The following DPP6 variants were observed in gnomAD, a reference collection of about 807,000 sequenced individuals.
DPP6 encodes A-type potassium channel modulatory protein DPP6.
Under a neutral mutation model 122.6 loss-of-function variants are expected in DPP6, and 69 were observed. The ratio of observed to expected loss-of-function variants is 0.56; its 90% CI spans 0.46 to 0.69. The LOEUF (loss-of-function observed/expected upper bound fraction) is 0.69. Ranked by LOEUF, DPP6 falls within the 30% of genes least tolerant of loss-of-function variation. DPP6 has a pLI of 0.00. For missense variants in DPP6, 928 were observed against 1,116.9 expected, an observed-to-expected ratio of 0.83 and a Z score of 2.41; for synonymous variants, 418 against 433.1, an observed-to-expected ratio of 0.97 and a Z score of 0.43.
the DPP6 span, among the ~76,000 whole-genome samples, chr7:153,834,289 A>AAAG: frequency 0.022 from 3,313 of 150,922 alleles, 133 homozygotes; most frequent in African/African-American, 0.077. Flanking sequence ...AAAAAAAAAA[A>AAAG]GTAAGTACAT....
At chr7:154,283,350 C>A (rs371363449) in intron 1 of DPP6, among the ~76,000 whole-genome samples, 3 of 152,224 alleles carry the variant, frequency 2.0e-5, no homozygotes, top group African/African-American at 7.2e-5. Flanking sequence ...AGTGAGGATA[C>A]AAATGATCTA....
intron 12 of DPP6, 83 bp downstream of exon 12, chr7:154,795,966 G>A: frequency 6.6e-7 from 1 of 1,526,710 alleles, no homozygotes; most frequent in Non-Finnish European, 8.8e-7. Context: ...GACAACAGCA[G>A]AATGGCTTCT....
At chr7:153,854,390 A>G in the DPP6 span, among the ~76,000 whole-genome samples, 1 of 151,936 alleles carries the variant, frequency 6.6e-6, no homozygotes, top group African/African-American at 2.4e-5. Context: ...CAAATTTACA[A>G]GAAAAAAACA....
At chr7:153,801,943 CA>C in the DPP6 span, among the ~76,000 whole-genome samples, 2 of 152,028 alleles carry the variant, frequency 1.3e-5, no homozygotes, top group African/African-American at 4.8e-5. Context: ...GCTAGGAAGT[CA>C]GGGCAAATAT....
At chr7:154,805,505 AT>A (rs1389697629) in intron 15 of DPP6, among the ~76,000 whole-genome samples, 1 of 138,660 alleles carries the variant, frequency 7.2e-6, no homozygotes, top group Non-Finnish European at 1.7e-5. Flanking sequence ...ATGAAATTTG[AT>A]TAGAAAAAAA....
At chr7:154,646,591 G>A (rs2130967621) in intron 6 of DPP6, among the ~76,000 whole-genome samples, 1 of 152,238 alleles carries the variant, frequency 6.6e-6, no homozygotes, top group Non-Finnish European at 1.5e-5. Flanking sequence ...TTTGTTAGAT[G>A]GCTACTTCCA....
At chr7:154,183,038 A>G (rs1313506343) in intron 1 of DPP6, among the ~76,000 whole-genome samples, 1 of 152,094 alleles carries the variant, frequency 6.6e-6, no homozygotes, top group Non-Finnish European at 1.5e-5. Context: ...CTAAGGGGCT[A>G]ATGTCACCCA....
intron 16 of DPP6, among the ~76,000 whole-genome samples, chr7:154,816,232 A>G (rs1198271412): frequency 6.6e-6 from 1 of 152,220 alleles, no homozygotes; most frequent in East Asian, 1.9e-4. Flanking sequence ...TCAGTTACCT[A>G]GAGTCAACTA....
intron 1 of DPP6, among the ~76,000 whole-genome samples, chr7:154,165,005 G>GT (rs199879410): frequency 4.7e-5 from 7 of 147,584 alleles, no homozygotes; most frequent in Non-Finnish European, 8.8e-5. Context: ...TTTTTTTAAA[G>GT]TTTTTTTTCT....
intron 16 of DPP6, among the ~76,000 whole-genome samples, chr7:154,820,193 C>G (rs1444852902): frequency 1.3e-5 from 2 of 152,250 alleles, no homozygotes; most frequent in African/African-American, 4.8e-5. Context: ...CAGGGCACCA[C>G]TGCAGCACAC....
intron 1 of DPP6, among the ~76,000 whole-genome samples, chr7:154,006,542 G>C (rs543197047): frequency 2.6e-5 from 4 of 152,170 alleles, no homozygotes; most frequent in Non-Finnish European, 5.9e-5. Context: ...CAAAGCAAAG[G>C]ATTGTGTAAT....
chr7:154,399,192 CT>C (rs934421576), intron 1 of DPP6, among the ~76,000 whole-genome samples: 5 of 152,090 alleles, frequency 3.3e-5, no homozygotes, highest in Non-Finnish European at 5.9e-5. Flanking sequence ...CACCACCTTC[CT>C]TTTTTAAAGA....
intron 1 of DPP6, among the ~76,000 whole-genome samples, chr7:154,363,889 A>G (rs1456322360): frequency 6.6e-6 from 1 of 152,218 alleles, no homozygotes; most frequent in East Asian, 1.9e-4. Flanking sequence ...ATCTGCTACA[A>G]GTTAATATTT....
At chr7:154,845,525 AG>A (rs1377459531) in intron 16 of DPP6, among the ~76,000 whole-genome samples, 1 of 152,210 alleles carries the variant, frequency 6.6e-6, no homozygotes, top group Admixed American at 6.5e-5. Context: ...TCAAGGGGGA[AG>A]GGAGGAGGGA....
chr7:154,726,178 T>C (rs2131360338), intron 7 of DPP6, among the ~76,000 whole-genome samples: 1 of 152,224 alleles, frequency 6.6e-6, no homozygotes, highest in Non-Finnish European at 1.5e-5. Context: ...CATTCTAGGG[T>C]CTGGAAGACA....
chr7:153,977,575 T>C (rs1381153685), intron 1 of DPP6, among the ~76,000 whole-genome samples: 2 of 152,226 alleles, frequency 1.3e-5, no homozygotes, highest in Non-Finnish European at 2.9e-5. Flanking sequence ...TTTTTTATTA[T>C]ACTTTAAGTT....
chr7:153,874,685 G>A, the DPP6 span, among the ~76,000 whole-genome samples: 2 of 152,096 alleles, frequency 1.3e-5, no homozygotes, highest in Non-Finnish European at 2.9e-5. Context: ...CCAAAATGTA[G>A]AATTATACCA....
chr7:154,043,966 C>T (rs891545496), intron 1 of DPP6, among the ~76,000 whole-genome samples: 12 of 146,150 alleles, frequency 8.2e-5, no homozygotes, highest in Admixed American at 7.6e-4. Flanking sequence ...ATTATGGGTG[C>T]GCTGCAGAGG....
At chr7:153,948,434 T>A (rs923198304) in intron 1 of DPP6, among the ~76,000 whole-genome samples, 1 of 152,018 alleles carries the variant, frequency 6.6e-6, no homozygotes, top group Non-Finnish European at 1.5e-5. Context: ...CTAGACATAT[T>A]ACAGGAAAAC....
Sources: allele counts gnomAD v4.1 joint callset (sites outside exome capture counted in the v4.1 genomes callset), GRCh38; gene constraint gnomAD v4.1.1; transcripts MANE v1.5; gene names NCBI Gene and HGNC (gene_info 2026-07-23, HGNC 2026-07-21).